Variants in PTPRM observed in about 807,000 individuals in gnomAD.
The protein encoded by PTPRM is receptor-type tyrosine-protein phosphatase mu.
In PTPRM, 47 loss-of-function variants were observed where a neutral mutation model predicts 186.7. That is an observed-to-expected ratio of 0.25 (90% CI 0.20 to 0.32). The LOEUF (loss-of-function observed/expected upper bound fraction) is 0.32, where lower values mean the gene tolerates loss of function less well. Among genes scored for constraint, PTPRM ranks in the 10% least tolerant of loss-of-function variants. PTPRM has a pLI of 1.00. For synonymous variants in PTPRM, 668 were observed against 674.9 expected (o/e 0.99, Z 0.16); for missense variants, 1,494 against 1,865.0 (o/e 0.80, Z 3.66).
intron 19 of PTPRM, among the ~76,000 whole-genome samples, chr18:8,278,601 T>C (rs1261337542): frequency 6.6e-6 from 1 of 152,166 alleles, no homozygotes; most frequent in Non-Finnish European, 1.5e-5. Flanking sequence ...TCAGTGGAAA[T>C]GTAATTGCTT....
chr18:7,734,576 A>G (rs1213005471), intron 1 of PTPRM, among the ~76,000 whole-genome samples: 5 of 152,220 alleles, frequency 3.3e-5, no homozygotes, highest in Admixed American at 1.3e-4. Flanking sequence ...TAGGGTTGAT[A>G]TTTAATATTT....
chr18:8,280,388 G>A (rs1200244696), intron 19 of PTPRM, among the ~76,000 whole-genome samples: 1 of 118,802 alleles, frequency 8.4e-6, no homozygotes, highest in Non-Finnish European at 1.7e-5. Context: ...TCAACATATT[G>A]ATATGAATTT....
chr18:7,862,326 T>G (rs2047430961), intron 2 of PTPRM, among the ~76,000 whole-genome samples: 1 of 152,176 alleles, frequency 6.6e-6, no homozygotes, highest in Non-Finnish European at 1.5e-5. Flanking sequence ...GTGAATATCT[T>G]CTCATTTTTT....
chr18:7,978,202 C>T (rs1406667410), intron 7 of PTPRM, among the ~76,000 whole-genome samples: 1 of 152,154 alleles, frequency 6.6e-6, no homozygotes, highest in African/African-American at 2.4e-5. Flanking sequence ...CAGTAAGAAT[C>T]TTTCACTTCA....
intron 20 of PTPRM, among the ~76,000 whole-genome samples, chr18:8,308,166 G>C (rs1442787397): frequency 6.6e-6 from 1 of 152,208 alleles, no homozygotes. Flanking sequence ...CAATTCATGA[G>C]TCAGGCAGCC....
chr18:8,085,559 G>A, intron 9 of PTPRM, 112 bp from the exon 10 acceptor site: 1 of 900,366 alleles, frequency 1.1e-6, no homozygotes, highest in Admixed American at 2.1e-5. Context: ...GTCTGAGTAG[G>A]AGCTTATCAT....
At chr18:8,221,012 G>A (rs1206082262) in intron 14 of PTPRM, among the ~76,000 whole-genome samples, 1 of 152,138 alleles carries the variant, frequency 6.6e-6, no homozygotes, top group Non-Finnish European at 1.5e-5. Flanking sequence ...TAATAGTCAA[G>A]TGATTGCCCT....
chr18:7,582,910 T>A (rs2036883397), intron 1 of PTPRM, among the ~76,000 whole-genome samples: 1 of 152,214 alleles, frequency 6.6e-6, no homozygotes, highest in Non-Finnish European at 1.5e-5. Context: ...CTCATTAAAC[T>A]TGAGTTCTCA....
intron 7 of PTPRM, among the ~76,000 whole-genome samples, chr18:8,050,335 A>G (rs546316793): frequency 1.3e-5 from 2 of 152,310 alleles, no homozygotes; most frequent in Non-Finnish European, 2.9e-5. Flanking sequence ...TTGCAGATGA[A>G]CTGTCACATC....
chr18:7,666,422 C>T (rs1186589567), intron 1 of PTPRM, among the ~76,000 whole-genome samples: 1 of 152,200 alleles, frequency 6.6e-6, no homozygotes, highest in African/African-American at 2.4e-5. Flanking sequence ...GAAGAGGGAG[C>T]AGGTATCAGG....
chr18:8,053,267 T>C (rs2148284637), intron 7 of PTPRM, among the ~76,000 whole-genome samples: 1 of 152,354 alleles, frequency 6.6e-6, no homozygotes, highest in Non-Finnish European at 1.5e-5. Context: ...GTAGCATAAA[T>C]TATCAAGCTT....
At chr18:8,195,576 T>A (rs1199485250) in intron 14 of PTPRM, among the ~76,000 whole-genome samples, 1 of 152,104 alleles carries the variant, frequency 6.6e-6, no homozygotes, top group East Asian at 1.9e-4. Context: ...CTGAAAGAAG[T>A]CATGTCTTTG....
chr18:8,003,920 G>T (rs62089481), intron 7 of PTPRM, among the ~76,000 whole-genome samples: 143 of 152,290 alleles, frequency 9.4e-4, no homozygotes, highest in Non-Finnish European at 1.7e-3. Flanking sequence ...CTTGGCCATA[G>T]AAGCACCAAG....
intron 2 of PTPRM, among the ~76,000 whole-genome samples, chr18:7,817,934 T>C (rs866993532): frequency 2.6e-5 from 4 of 152,020 alleles, no homozygotes; most frequent in Admixed American, 6.6e-5. Context: ...GAAGAAAAAA[T>C]GTTTCCGTCC....
intron 1 of PTPRM, chr18:7,754,649 A>G (rs2041383244): frequency 6.6e-6 from 1 of 152,208 alleles, no homozygotes; most frequent in South Asian, 2.1e-4. Flanking sequence ...CTGTCATAGC[A>G]TCCTTGTATC....
chr18:8,174,413 T>C (rs1343824292), intron 14 of PTPRM, among the ~76,000 whole-genome samples: 2 of 152,204 alleles, frequency 1.3e-5, no homozygotes, highest in African/African-American at 4.8e-5. Context: ...TCCTCACTGT[T>C]ATAATTTTTG....
intron 14 of PTPRM, among the ~76,000 whole-genome samples, chr18:8,198,388 A>G (rs1373579756): frequency 6.6e-6 from 1 of 152,184 alleles, no homozygotes; most frequent in East Asian, 1.9e-4. Context: ...GGCTAAAGCG[A>G]TCTGCCTACC....
intron 19 of PTPRM, among the ~76,000 whole-genome samples, chr18:8,258,654 T>G (rs1368081379): frequency 1.3e-5 from 2 of 152,092 alleles, no homozygotes; most frequent in African/African-American, 4.8e-5. Context: ...AACAGCCAAA[T>G]TATTCTGAAA....
chr18:7,988,652 A>G (rs1019076366), intron 7 of PTPRM, among the ~76,000 whole-genome samples: 1 of 152,152 alleles, frequency 6.6e-6, no homozygotes, highest in African/African-American at 2.4e-5. Flanking sequence ...ATAAAAGTGG[A>G]ATCATACCAT....
Sources: gnomAD v4.1 joint callset for allele counts (sites outside exome capture counted in the v4.1 genomes callset) on GRCh38, gnomAD v4.1.1 for gene constraint, MANE v1.5 for transcripts, NCBI Gene and HGNC (gene_info 2026-07-23, HGNC 2026-07-21) for gene names.